Variants in ZNF324B observed in about 807,000 individuals in gnomAD.
ZNF324B encodes the protein zinc finger protein 324B.
ZNF324B carries 7 observed loss-of-function variants against 10.6 expected under a neutral mutation model. That is an observed-to-expected ratio of 0.66 (90% confidence interval 0.38 to 1.24). The LOEUF (loss-of-function observed/expected upper bound fraction) is 1.24. Ranked by LOEUF, ZNF324B falls within the 50% of genes most tolerant of loss-of-function variation. The pLI is 0.02. For missense variants in ZNF324B, 640 were observed against 764.7 expected, an observed-to-expected ratio of 0.84 and a Z score of 1.92; for synonymous variants, 316 against 321.0, an observed-to-expected ratio of 0.98 and a Z score of 0.17.
chr19:58,434,573 G>C, the ZNF324B span: 1 of 1,613,948 alleles, frequency 6.2e-7, no homozygotes, highest in Non-Finnish European at 8.5e-7. Flanking sequence ...TTACACACAT[G>C]GGGTATTTCC....
chr19:58,456,155 C>T lies in ZNF324B; in HGVS notation c.1211C>T (p.Ala404Val), dbSNP rs1220161469. 1.9e-6 allele frequency: 3 copies of T among 1,613,142 alleles called. No homozygotes were observed. In the African/African-American group the frequency reaches 4.0e-5, roughly 22 times the overall value. ...EKPFVCALCG[A>V]AFSQGSSLFL... ...CCCTTCGTATGCGCGCTCTGCGGTG[C>T]TGCCTTCAGCCAGGGCTCCTCGCTC... The change falls in exon 4 of 4, where the codon GCT becomes GTT. Residue 404 changes from alanine to valine, a missense_variant. Ala to Val is a moderately conservative substitution (Grantham distance 64, BLOSUM62 0). This residue lies in a region of ZNF324B where 238 missense variants were observed against 258.0 expected (regional missense o/e 0.92). Transcript: ENST00000336614. The surrounding 1 kb of genome is among the most constrained non-coding windows in gnomAD (Gnocchi z 4.7).
At chr19:58,427,452 C>CCTTTCCCTTCCTTCCTT in the ZNF324B span, among the ~76,000 whole-genome samples, 25 of 47,050 alleles carry the variant, frequency 5.3e-4, 1 homozygote, top group East Asian at 2.6e-3. Flanking sequence ...CCTTTCCTTT[C>CCTTTCCCTTCCTTCCTT]CCTTCCTTCC....
chr19:58,449,861 G>C (rs1462770879), upstream of ZNF324B, among the ~76,000 whole-genome samples: 1 of 152,184 alleles, frequency 6.6e-6, no homozygotes. Context: ...GGACTTTTGA[G>C]CTAATGCTGA....
chr19:58,441,395 G>A, the ZNF324B span: 1 of 152,364 alleles, frequency 6.6e-6, no homozygotes, highest in East Asian at 1.9e-4. Context: ...AAGAAGGATG[G>A]GAGAAGTGAT....
chr19:58,455,918 G>C lies in ZNF324B; in HGVS notation c.974G>C (p.Ser325Thr), dbSNP rs775880720. ...GTGTGCGGCAAGGCCTTCCGGCATA[G>C]CTCCTCGCTGGTGCGGCACCAGCGC... ...CPVCGKAFRH[S>T]SSLVRHQRIH... Residue 325 changes from serine (S) to threonine (T), a missense_variant, in exon 4 of 4, where the codon AGC becomes ACC. By Grantham distance (58) the Ser-to-Thr change is moderately conservative (BLOSUM62 1). Coordinates refer to ENST00000336614, the MANE Select transcript of ZNF324B (RefSeq NM_207395.3). This position sits in a 1 kb window ranked among gnomAD's most constrained non-coding sequence, Gnocchi z 7.0. 1.4e-5 allele frequency: 23 copies of C among 1,601,832 alleles called. No individual in the cohort carries two copies. The highest frequency in any genetic ancestry group is 1.9e-5 in the Non-Finnish European group (22 of 1,172,262).
chr19:58,424,752 A>G, the ZNF324B span, among the ~76,000 whole-genome samples: 3 of 152,046 alleles, frequency 2.0e-5, no homozygotes, highest in Admixed American at 2.0e-4. Flanking sequence ...GGATCTTTTG[A>G]GCCCAAGAGT....
chr19:58,418,495 ATTTT>A, the ZNF324B span: 1 of 148,402 alleles, frequency 6.7e-6, no homozygotes, highest in African/African-American at 2.5e-5. Flanking sequence ...CACCTGGCTA[ATTTT>A]TTTTTTTCAT....
upstream of ZNF324B, among the ~76,000 whole-genome samples, chr19:58,448,590 G>T (rs757104272): frequency 5.9e-5 from 9 of 152,186 alleles, no homozygotes; most frequent in Non-Finnish European, 1.2e-4. Context: ...AGCCTGGCAT[G>T]ATGGCGGGTG....
the ZNF324B span, among the ~76,000 whole-genome samples, chr19:58,438,190 T>G: frequency 1.3e-5 from 2 of 152,200 alleles, no homozygotes; most frequent in African/African-American, 4.8e-5. Context: ...CCGCTATGCT[T>G]CACTGTTGTC....
At chr19:58,432,191 C>A in the ZNF324B span, 1 of 408,080 alleles carries the variant, frequency 2.5e-6, no homozygotes. Context: ...CTTTCCTGGA[C>A]GTCAGGCTAT....
the ZNF324B span, chr19:58,439,614 G>T: frequency 2.6e-6 from 2 of 779,828 alleles, no homozygotes; most frequent in Middle Eastern, 2.4e-4. Flanking sequence ...AAGGGTAAGT[G>T]ACTCCCAGGG....
chr19:58,435,003 A>G, the ZNF324B span: 2 of 1,613,992 alleles, frequency 1.2e-6, no homozygotes, highest in South Asian at 2.2e-5. Context: ...AGTCTCTCCC[A>G]CATGCTCCAC....
chr19:58,455,703 G>C lies in ZNF324B; in HGVS notation c.759G>C (p.Gly253=). The change falls in exon 4 of 4, where the codon GGG becomes GGC. Residue 253 remains glycine, a synonymous_variant. Transcript: ENST00000336614. The surrounding 1 kb of genome is among the most constrained non-coding windows in gnomAD (Gnocchi z 7.0). ...AGCTGGGCGAGGCTCTTCACGCTGG[G>C]GAGAAGTCCTTCGAATGCAGGGCGT... ...WDELGEALHA[G]EKSFECRACS... is the part of the protein sequence containing the mutation. 1 of 1,613,588 alleles carries C rather than the reference G, an allele frequency of 6.2e-7. No homozygotes were observed. Among genetic ancestry groups the C allele is most frequent in the Non-Finnish European group, 8.5e-7 (1 of 1,179,908 alleles).
the ZNF324B span, chr19:58,434,399 A>T: frequency 1.5e-5 from 24 of 1,614,120 alleles, no homozygotes; most frequent in African/African-American, 2.8e-4. Context: ...CATTCATCAC[A>T]CTCATAAGGT....
chr19:58,454,167 C>T, intron 2 of ZNF324B, 61 bp from the exon 3 acceptor site: 1 of 1,097,466 alleles, frequency 9.1e-7, no homozygotes, highest in Non-Finnish European at 1.4e-6. Flanking sequence ...GACTCCTGCT[C>T]TCTGTTGGGA....
At position 58,455,475 on chromosome 19, in the gene ZNF324B, G is replaced by A. The variant is rs754693527; in HGVS notation, c.531G>A (p.Lys177=). ...CCAAGAGCAGCCGGCCCAGGGAAAA[G>A]ACCTTCACAGAGTACCGGGTGCCTG... ...RPPKSSRPRE[K]TFTEYRVPGR... is the part of the protein sequence containing the mutation. The change falls in exon 4 of 4, where the codon AAG becomes AAA. Residue 177 remains lysine, a synonymous_variant. Coordinates refer to ENST00000336614, the MANE Select transcript of ZNF324B (RefSeq NM_207395.3). The surrounding 1 kb of genome is among the most constrained non-coding windows in gnomAD (Gnocchi z 7.0). The A allele has an allele frequency of 6.2e-7, 1 of 1,613,962 alleles. No homozygotes were observed. Among genetic ancestry groups the A allele is most frequent in the East Asian group, 2.2e-5 (1 of 44,894 alleles).
At position 58,455,555 on chromosome 19, in the gene ZNF324B, G is replaced by A. The variant is rs1390926651; in HGVS notation, c.611G>A (p.Gly204Glu). ...AAGCCATGTGCACAGGAGGTCCCTG[G>A]GAGAGCCTTCGGGAATGCCTCGGAC... ...RQKPCAQEVP[G>E]RAFGNASDLK... The change falls in exon 4 of 4, where the codon GGG (glycine) becomes GAG (glutamate). Residue 204 changes from glycine (G) to glutamate (E), a missense_variant. This residue lies in a region of ZNF324B where 345 missense variants were observed against 387.9 expected (regional missense o/e 0.89). Coordinates refer to ENST00000336614, the MANE Select transcript of ZNF324B (RefSeq NM_207395.3). This position sits in a 1 kb window ranked among gnomAD's most constrained non-coding sequence, Gnocchi z 7.0. The A allele has an allele frequency of 1.2e-6, 2 of 1,614,096 alleles. No individual in the cohort carries two copies. The highest frequency in any genetic ancestry group is 1.7e-5 in the Admixed American group (1 of 60,036).
chr19:58,435,421 G>A, the ZNF324B span: 1 of 549,730 alleles, frequency 1.8e-6, no homozygotes, highest in Non-Finnish European at 3.2e-6. Context: ...ACCTCACCAG[G>A]GGTAAGGACA....
In ZNF324B at chr19:58,455,632, G is replaced by A. The variant is rs534503035; in HGVS notation, c.688G>A (p.Glu230Lys). 43 of 1,613,888 alleles carry A rather than the reference G, an allele frequency of 2.7e-5. No individual in the cohort carries two copies. The East Asian group carries it at 3.8e-4, about 14-fold the overall frequency. Residue 230 changes from glutamate to lysine, a missense_variant, in exon 4 of 4, where the codon GAG (glutamate) becomes AAG (lysine). By Grantham distance (56) the Glu-to-Lys change is moderately conservative (BLOSUM62 1). Transcript: ENST00000336614. The surrounding 1 kb of genome is among the most constrained non-coding windows in gnomAD (Gnocchi z 7.0). ...RDRRMGAAWQ[E>K]PHRLLGGQEP... ...TCGCAGAATGGGCGCAGCTTGGCAG[G>A]AGCCTCATAGACTCCTCGGTGGCCA... is the stretch of plus-strand genomic sequence containing the variant.
Sources: allele counts gnomAD v4.1 joint callset (sites outside exome capture counted in the v4.1 genomes callset), GRCh38; gene constraint gnomAD v4.1.1; regional missense constraint gnomAD v4.1.1; non-coding constraint Gnocchi (gnomAD v3.1); transcripts MANE v1.5; gene names NCBI Gene and HGNC (gene_info 2026-07-23, HGNC 2026-07-21).